Variants in KCNE1 observed in about 807,000 individuals in gnomAD.
The protein encoded by KCNE1 is potassium voltage-gated channel subfamily E member 1.
KCNE1 carries 1 observed loss-of-function variant against 2.9 expected under a neutral mutation model. That is an observed-to-expected ratio of 0.34 (90% CI 0.12 to 1.62). The LOEUF is 1.62. Ranked by LOEUF, KCNE1 falls within the 40% of genes most tolerant of loss-of-function variation. KCNE1 has a pLI of 0.36. For missense variants in KCNE1, 45 were observed against 150.5 expected (o/e 0.30, Z 3.67); for synonymous variants, 23 against 65.4 (o/e 0.35, Z 3.13).
At chr21:34,509,203 G>A (rs1377492832) in intron 2 of KCNE1, among the ~76,000 whole-genome samples, 2 of 152,226 alleles carry the variant, frequency 1.3e-5, no homozygotes, top group African/African-American at 4.8e-5. Context: ...ACTCACCAGA[G>A]CACATGTAGT....
At chr21:34,501,980 C>A (rs146294776) in intron 2 of KCNE1, among the ~76,000 whole-genome samples, 45 of 152,294 alleles carry the variant, frequency 3.0e-4, no homozygotes, top group Non-Finnish European at 5.3e-4. Flanking sequence ...GTGTTGTCAC[C>A]AACCAGTGGG....
rs570258447 is a variant in KCNE1, at chr21:34,503,839, G to T, written c.-162+7262C>A. On this transcript the variant is annotated intron_variant, in intron 2 of 3. Transcript: ENST00000399286. ...GATTCTTATGAAAGGTAGGCTGTTT[G>T]GGGGTCCAGAATTTCAACATATGCC... Among the ~76,000 whole-genome samples, 14 of 152,248 alleles carry T rather than the reference G, an allele frequency of 9.2e-5. No homozygotes were observed. In the South Asian group the frequency reaches 2.3e-3, roughly 25 times the overall value.
At chr21:34,503,737 T>G (rs192223934) in intron 2 of KCNE1, among the ~76,000 whole-genome samples, 202 of 152,374 alleles carry the variant, frequency 1.3e-3, no homozygotes, top group African/African-American at 4.8e-3. Flanking sequence ...ATAGCTGCCA[T>G]CAGCCATGGG....
chr21:34,506,295 G>A (rs1983482894), intron 2 of KCNE1, among the ~76,000 whole-genome samples: 1 of 152,292 alleles, frequency 6.6e-6, no homozygotes, highest in South Asian at 2.1e-4. Context: ...TTGTCACTCC[G>A]TGGTTTCTTG....
intron 2 of KCNE1, chr21:34,510,440 T>G (rs577420919): frequency 2.6e-5 from 4 of 152,712 alleles, no homozygotes; most frequent in Admixed American, 2.6e-4. Flanking sequence ...TCCTTCTCGA[T>G]GTGCCCAGAC....
intron 2 of KCNE1, chr21:34,509,879 A>G (rs1243130385): frequency 2.0e-5 from 3 of 152,162 alleles, no homozygotes; most frequent in Admixed American, 6.5e-5. Context: ...CCTAGTACCC[A>G]GTAGTTATTT....
In KCNE1 at chr21:34,450,131, C is replaced by A. The variant is rs762529453; in HGVS notation, c.-50-447G>T. Among the ~76,000 whole-genome samples, 3 of 84,826 alleles carry A rather than the reference C, an allele frequency of 3.5e-5. 1 individual carries two copies. Among genetic ancestry groups the A allele is most frequent in the Non-Finnish European group, 7.9e-5 (3 of 38,160 alleles). 55.6% of individuals were successfully genotyped at this position (84,826 alleles called of 152,430 possible). On this transcript the variant is annotated intron_variant, in intron 3 of 3. Coordinates refer to ENST00000399286, the MANE Select transcript of KCNE1 (RefSeq NM_000219.6). ...TTGTATACAACCCATGGTGAACACC[C>A]ACTTCTTTTCTCTGCCTTCTCCCCC... is the stretch of plus-strand genomic sequence containing the variant.
At chr21:34,508,940 G>C (rs555111734) in intron 2 of KCNE1, among the ~76,000 whole-genome samples, 1 of 152,304 alleles carries the variant, frequency 6.6e-6, no homozygotes, top group African/African-American at 2.4e-5. Flanking sequence ...TATCCAGTGT[G>C]ATAACAAACC....
chr21:34,507,922 G>A (rs1983597754), intron 2 of KCNE1, among the ~76,000 whole-genome samples: 1 of 152,192 alleles, frequency 6.6e-6, no homozygotes, highest in Admixed American at 6.5e-5. Context: ...TTAGTTCTAG[G>A]TTAGCTGCTT....
In KCNE1 at chr21:34,511,492, A is replaced by G. The variant is rs151138939; in HGVS notation, c.-376-177T>C. On this transcript the variant is annotated intron_variant, in intron 1 of 3. Transcript: ENST00000399286. The stretch of plus-strand genomic sequence containing the variant: ...CCACCCCTCCTTCCCCAACCTTGTG[A>G]TACCTTCCACCATGTCATGGCAAGA... Among the ~76,000 whole-genome samples the G allele has an allele frequency of 5.9e-4, 66 of 111,590 alleles. 1 individual carries two copies. Among genetic ancestry groups the G allele is most frequent in the Middle Eastern group, 7.7e-3 (1 of 130 alleles). 73.2% of individuals were successfully genotyped at this position (111,590 alleles called of 152,430 possible). A position where few individuals can be genotyped will look rare whatever the true frequency, so the allele number is the denominator to read the frequency against.
chr21:34,503,771 T>C (rs1983311569), intron 2 of KCNE1, among the ~76,000 whole-genome samples: 1 of 152,254 alleles, frequency 6.6e-6, no homozygotes, highest in South Asian at 2.1e-4. Flanking sequence ...ATTCAAAGTT[T>C]CCTTCTTTTT....
Position 34,449,220 on chromosome 21 carries a change from G to A in KCNE1, c.*25C>T, listed in dbSNP as rs1451609414. 1 of 653,496 alleles carries A rather than the reference G, an allele frequency of 1.5e-6. No individual in the cohort carries two copies. Among genetic ancestry groups the A allele is most frequent in the African/African-American group, 2.1e-5 (1 of 48,518 alleles). The allele number at this position is 653,496 out of a possible 1,614,324, so 40.5% of individuals were successfully genotyped here. ...AAAATCAGGTTGCCAGGCAGGATGTGTCCAGTTTTAGCCAGTGGTGGGGTT... is the reference window on the plus strand; with the variant it reads ...AAAATCAGGTTGCCAGGCAGGATGTATCCAGTTTTAGCCAGTGGTGGGGTT... On this transcript the variant is annotated 3_prime_UTR_variant, in exon 4 of 4. Transcript: ENST00000399286.
chr21:34,506,818 G>A (rs547821558), intron 2 of KCNE1, among the ~76,000 whole-genome samples: 12 of 152,166 alleles, frequency 7.9e-5, no homozygotes, highest in Non-Finnish European at 1.6e-4. Context: ...GCAGGAGCCC[G>A]GAGCAGAGAC....
chr21:34,507,707 C>T, intron 2 of KCNE1, among the ~76,000 whole-genome samples: 1 of 152,258 alleles, frequency 6.6e-6, no homozygotes, highest in South Asian at 2.1e-4. Context: ...TAAACGGTCC[C>T]CTGCATTATA....
At chr21:34,496,968 T>C (rs867571761) in intron 2 of KCNE1, among the ~76,000 whole-genome samples, 1 of 152,344 alleles carries the variant, frequency 6.6e-6, no homozygotes, top group African/African-American at 2.4e-5. Flanking sequence ...TTGTCTGATA[T>C]AAGAATAGCT....
chr21:34,496,653 T>C (rs1358477887), intron 2 of KCNE1, among the ~76,000 whole-genome samples: 1 of 152,238 alleles, frequency 6.6e-6, no homozygotes, highest in East Asian at 1.9e-4. Flanking sequence ...GAGTAGAATG[T>C]TCTGTAAATA....
chr21:34,495,972 G>T (rs1047887803), intron 2 of KCNE1, among the ~76,000 whole-genome samples: 2 of 152,120 alleles, frequency 1.3e-5, no homozygotes, highest in Admixed American at 1.3e-4. Flanking sequence ...TGTGACCTTA[G>T]ATTGTCTATT....
chr21:34,499,343 G>C (rs762944135), intron 2 of KCNE1, among the ~76,000 whole-genome samples: 1 of 152,168 alleles, frequency 6.6e-6, no homozygotes, highest in Non-Finnish European at 1.5e-5. Flanking sequence ...CACAGCTTTC[G>C]GGCCTTGCCC....
At chr21:34,496,985 G>A (rs184851195) in intron 2 of KCNE1, among the ~76,000 whole-genome samples, 1 of 152,114 alleles carries the variant, frequency 6.6e-6, no homozygotes, top group African/African-American at 2.4e-5. Flanking sequence ...AGCTACTCCT[G>A]CTTGCTTTTG....
Sources: allele counts gnomAD v4.1 joint callset (sites outside exome capture counted in the v4.1 genomes callset), GRCh38; gene constraint gnomAD v4.1.1; transcripts MANE v1.5; gene names NCBI Gene and HGNC (gene_info 2026-07-23, HGNC 2026-07-21).